SPG7: variants seen among roughly 807,000 people sequenced by gnomAD.
The protein encoded by SPG7 is SPG7 matrix AAA peptidase subunit, paraplegin.
Under a neutral mutation model 81.9 loss-of-function variants are expected in SPG7, and 103 were observed. That is an observed-to-expected ratio of 1.26 (90% CI 1.07 to 1.48). SPG7 has a LOEUF of 1.48. Among genes scored for constraint, SPG7 ranks in the 40% most tolerant of loss-of-function variants. The pLI, the probability that SPG7 is intolerant of heterozygous loss-of-function variation, is 0.00. For missense variants in SPG7, 1,241 were observed against 1,087.3 expected (o/e 1.14, Z -1.99); for synonymous variants, 534 against 444.2 (o/e 1.20, Z -2.54).
intron 11 of SPG7, chr16:89,547,510 C>G (rs916303694): frequency 1.9e-5 from 4 of 216,100 alleles, no homozygotes; most frequent in East Asian, 1.3e-4. Context: ...GCCGCTCTCC[C>G]CAGCTCTGCT....
chr16:89,531,036 T>C lies in SPG7; in HGVS notation c.987+228T>C, dbSNP rs1307920330. 3 of 636,044 alleles carry C rather than the reference T, an allele frequency of 4.7e-6. No homozygotes were observed. The East Asian group carries it at 8.4e-5, about 18-fold the overall frequency. The allele number at this position is 636,044 out of a possible 1,614,324, so 39.4% of individuals were successfully genotyped here. ...AGCAGAGGCTGCCAAGACCCATGCCTACTGTGCCGTTAGCCGTCCTGGGCC... is the reference window on the plus strand; with the variant it reads ...AGCAGAGGCTGCCAAGACCCATGCCCACTGTGCCGTTAGCCGTCCTGGGCC... On this transcript the variant is annotated intron_variant, in intron 7 of 16. Transcript: ENST00000645818.
intron 9 of SPG7, chr16:89,541,134 ATC>A (rs1178615331): frequency 2.0e-6 from 2 of 979,188 alleles, no homozygotes; most frequent in Non-Finnish European, 1.2e-6. Flanking sequence ...GTGTATCCTT[ATC>A]ACGGTGTTCT....
chr16:89,542,888 T>C (rs969559313), intron 9 of SPG7: 3 of 151,336 alleles, frequency 2.0e-5, no homozygotes, highest in African/African-American at 7.3e-5. Flanking sequence ...TAAGGGTTTC[T>C]TACATTAGTC....
chr16:89,515,709 A>ATT (rs1209586419), intron 3 of SPG7, among the ~76,000 whole-genome samples: 1 of 143,518 alleles, frequency 7.0e-6, no homozygotes, highest in African/African-American at 2.8e-5. Flanking sequence ...TACTATTATT[A>ATT]TTATTATTTT....
At chr16:89,547,933 G>A (rs1272235238) in intron 11 of SPG7, 70 bp from the exon 12 acceptor site, 27 of 1,163,398 alleles carry the variant, frequency 2.3e-5, no homozygotes, top group Non-Finnish European at 3.1e-5. Context: ...TCCCTTGAGG[G>A]CCCCTTCCTC....
At chr16:89,556,824 C>T (rs2058691255) in intron 16 of SPG7, 63 bp from the exon 17 acceptor site, 1 of 1,340,608 alleles carries the variant, frequency 7.5e-7, no homozygotes. Flanking sequence ...GCCACCTCCC[C>T]AGGACATAGA....
intron 9 of SPG7, chr16:89,537,169 G>A (rs978733203): frequency 1.4e-5 from 20 of 1,453,384 alleles, no homozygotes; most frequent in South Asian, 1.2e-4. Context: ...TCATGGAAGC[G>A]CACAGGATAG....
chr16:89,553,185 C>T, intron 14 of SPG7, 50 bp downstream of exon 14: 1 of 1,538,380 alleles, frequency 6.5e-7, no homozygotes. Context: ...CTTTTCCCTG[C>T]ATGACTCCTT....
intron 6 of SPG7, 158 bp from the exon 7 acceptor site, chr16:89,530,521 AGACT>A (rs2058326932): frequency 1.3e-6 from 1 of 795,770 alleles, no homozygotes; most frequent in Non-Finnish European, 2.2e-6. Context: ...CTGTGCTTGA[AGACT>A]GACTGTGAGC....
chr16:89,555,967 G>A (rs1179570920), intron 16 of SPG7: 6 of 398,820 alleles, frequency 1.5e-5, no homozygotes, highest in Admixed American at 4.4e-5. Context: ...AGGTGTGGGC[G>A]GTGCCGTCCC....
chr16:89,537,035 C>T, intron 9 of SPG7: 2 of 1,605,460 alleles, frequency 1.2e-6, no homozygotes, highest in Non-Finnish European at 1.7e-6. Context: ...TTGCTCAGGC[C>T]TGGGAATCCG....
At chr16:89,516,154 AT>A (rs1180747146) in intron 3 of SPG7, among the ~76,000 whole-genome samples, 3 of 151,724 alleles carry the variant, frequency 2.0e-5, no homozygotes, top group Non-Finnish European at 4.4e-5. Context: ...AGCCCAGCTA[AT>A]TTTTGTAGTT....
chr16:89,555,065 A>G (rs1597666602), intron 16 of SPG7: 1 of 161,254 alleles, frequency 6.2e-6, no homozygotes, highest in African/African-American at 2.5e-5. Context: ...GCAGGCATGC[A>G]CCAACACACT....
intron 9 of SPG7, chr16:89,537,306 C>T: frequency 2.3e-6 from 3 of 1,285,040 alleles, no homozygotes; most frequent in Non-Finnish European, 2.0e-6. Flanking sequence ...GGGCGCAAGT[C>T]AAAGAGCACT....
intron 12 of SPG7, chr16:89,548,337 A>C: frequency 1.9e-6 from 1 of 520,928 alleles, no homozygotes; most frequent in Non-Finnish European, 3.4e-6. Context: ...CAACAGAAAT[A>C]AAAAATGCCT....
Position 89,532,502 on chromosome 16 carries a change from C to T in SPG7, c.1190C>T (p.Ala397Val). Residue 397 changes from alanine (A) to valine (V), a missense_variant, in exon 9 of 17, where the codon GCC (alanine) becomes GTC (valine). Ala to Val is a moderately conservative substitution (Grantham distance 64). Transcript: ENST00000645818. ...CGTGTGCGGAGCCTCTTTAAGGAAG[C>T]CCGAGCCCGGGCCCCCTGCATCGTC... ...AARVRSLFKE[A>V]RARAPCIVYI... is the part of the protein sequence containing the mutation. 6.2e-7 allele frequency: 1 copy of T among 1,613,644 alleles called. No individual in the cohort carries two copies. The highest frequency in any genetic ancestry group is 8.5e-7 in the Non-Finnish European group (1 of 1,180,030).
At position 89,536,858 on chromosome 16, in the gene SPG7, C is replaced by T. The variant is rs750282416; in HGVS notation, c.1324+4222C>T. ...TCCTGTCTCACGGAGCCCACAGGGTCACGGAGGGCAATGGAGGGTCATTCG... is the reference window on the plus strand; with the variant it reads ...TCCTGTCTCACGGAGCCCACAGGGTTACGGAGGGCAATGGAGGGTCATTCG... On this transcript the variant is annotated intron_variant, in intron 9 of 16. Transcript: ENST00000645818. The T allele has an allele frequency of 1.5e-5, 25 of 1,614,178 alleles. 2 individuals are homozygous for T. The South Asian group carries it at 2.6e-4, about 17-fold the overall frequency.
intron 5 of SPG7, among the ~76,000 whole-genome samples, chr16:89,528,215 C>T (rs2058290617): frequency 6.6e-6 from 1 of 151,760 alleles, no homozygotes; most frequent in Non-Finnish European, 1.5e-5. Flanking sequence ...ACGACGAAAC[C>T]CCGTCTCTAC....
rs574656941 is a variant in SPG7, at chr16:89,550,483, C to A, written c.1664-11C>A. On this transcript the variant is annotated splice_polypyrimidine_tract_variant and intron_variant, in intron 12 of 16. Transcript: ENST00000645818. Reference sequence around the variant, plus strand: ...CCACCGCGCCCAACTCATACCCCGGCATTCTTTCAGGGACTGCCAAAAAGA... The same window carrying A: ...CCACCGCGCCCAACTCATACCCCGGAATTCTTTCAGGGACTGCCAAAAAGA... 720 of 1,600,880 alleles carry A rather than the reference C, an allele frequency of 4.5e-4. 8 individuals are homozygous for A. The South Asian group carries it at 7.5e-3, about 17-fold the overall frequency.
Sources: gnomAD v4.1 joint callset for allele counts (sites outside exome capture counted in the v4.1 genomes callset) on GRCh38, gnomAD v4.1.1 for gene constraint, MANE v1.5 for transcripts, NCBI Gene and HGNC (gene_info 2026-07-23, HGNC 2026-07-21) for gene names.